LPP: variants seen among roughly 807,000 people sequenced by gnomAD.
LPP encodes the protein lipoma-preferred partner.
LPP carries 38 observed loss-of-function variants against 60.4 expected under a neutral mutation model. That is an observed-to-expected ratio of 0.63 (90% CI 0.49 to 0.83). The LOEUF (loss-of-function observed/expected upper bound fraction) is 0.83. Among genes scored for constraint, LPP ranks in the 40% least tolerant of loss-of-function variants. The probability of loss-of-function intolerance (pLI) is 0.00; values close to 1 mark genes in which losing one functional copy is unlikely to be tolerated. For synonymous variants in LPP, 328 were observed against 290.8 expected (o/e 1.13, Z -1.30); for missense variants, 902 against 783.6 (o/e 1.15, Z -1.80).
chr3:188,693,149 C>G (rs1560074527), intron 7 of LPP, among the ~76,000 whole-genome samples: 2 of 152,192 alleles, frequency 1.3e-5, no homozygotes, highest in African/African-American at 4.8e-5. Context: ...CACCTTGAAT[C>G]CTGTTCTTTT....
At chr3:188,199,833 G>A (rs1187785749) in intron 1 of LPP, among the ~76,000 whole-genome samples, 1 of 151,722 alleles carries the variant, frequency 6.6e-6, no homozygotes, top group Non-Finnish European at 1.5e-5. Context: ...TCCTGCCTCA[G>A]CCTCCCGAGT....
At chr3:188,570,416 A>G (rs962676357) in intron 6 of LPP, among the ~76,000 whole-genome samples, 40 of 152,070 alleles carry the variant, frequency 2.6e-4, no homozygotes, top group African/African-American at 9.7e-4. Context: ...TTTTGAGAAT[A>G]AAATCCACAT....
intron 8 of LPP, among the ~76,000 whole-genome samples, chr3:188,720,592 A>C (rs912459807): frequency 1.1e-4 from 16 of 151,468 alleles, no homozygotes; most frequent in African/African-American, 3.6e-4. Context: ...AAAGCAAAAA[A>C]TATCCGAGGC....
chr3:188,664,355 A>G (rs898755710), intron 7 of LPP, among the ~76,000 whole-genome samples: 6 of 152,232 alleles, frequency 3.9e-5, no homozygotes, highest in Admixed American at 1.3e-4. Flanking sequence ...TGTAAAACCT[A>G]GAAGATATCC....
At chr3:188,293,398 C>A (rs1036602507) in intron 2 of LPP, among the ~76,000 whole-genome samples, 22 of 152,194 alleles carry the variant, frequency 1.4e-4, no homozygotes, top group Non-Finnish European at 2.8e-4. Flanking sequence ...TATACTGAAA[C>A]AATAAACTTA....
chr3:188,633,020 A>G (rs990563043), intron 7 of LPP, among the ~76,000 whole-genome samples: 2 of 152,218 alleles, frequency 1.3e-5, no homozygotes, highest in African/African-American at 4.8e-5. Flanking sequence ...ATCTGAGGAA[A>G]GTTGTTGGCC....
At chr3:188,710,024 C>A (rs1274479812) in intron 8 of LPP, 1 of 152,148 alleles carries the variant, frequency 6.6e-6, no homozygotes, top group Non-Finnish European at 1.5e-5. Flanking sequence ...TTGAGTGGCA[C>A]TGCTTTAAGG....
rs148048458 is a variant in LPP at position 188,827,668 on chromosome 3, G to T, written c.1411-38532G>T. Among the ~76,000 whole-genome samples, 259 of 152,266 alleles carry T rather than the reference G, an allele frequency of 1.7e-3. 1 individual carries two copies. The Middle Eastern group carries it at 0.024, about 14-fold the overall frequency. ...GAGTCTTGTGCCCCATCAGTAGAAGGAGATGAAGGCCAGAGCCAAATGGTG... is the reference window on the plus strand; with the variant it reads ...GAGTCTTGTGCCCCATCAGTAGAAGTAGATGAAGGCCAGAGCCAAATGGTG... On this transcript the variant is annotated intron_variant, in intron 9 of 11. Transcript: ENST00000617246.
chr3:188,689,787 G>A (rs902565681), intron 7 of LPP, among the ~76,000 whole-genome samples: 2 of 152,170 alleles, frequency 1.3e-5, no homozygotes, highest in African/African-American at 4.8e-5. Flanking sequence ...GAAGTGACTT[G>A]CCCAAATCCA....
At chr3:188,509,873 G>GTTTTTTTTTTTTTTTTTTTTTTTT (rs35389820) in intron 5 of LPP, among the ~76,000 whole-genome samples, 1 of 111,044 alleles carries the variant, frequency 9.0e-6, no homozygotes, top group African/African-American at 3.6e-5. Context: ...TTTTTTTGTT[G>GTTTTTTTTTTTTTTTTTTTTTTTT]TTTTTTTTTT....
At chr3:188,258,271 T>C (rs1732336434) in intron 2 of LPP, among the ~76,000 whole-genome samples, 1 of 152,250 alleles carries the variant, frequency 6.6e-6, no homozygotes, top group Admixed American at 6.5e-5. Flanking sequence ...TCAGTCAAAC[T>C]TCTAACAGTG....
intron 4 of LPP, among the ~76,000 whole-genome samples, chr3:188,448,664 C>A (rs28606473): frequency 0.98 from 149,058 of 152,250 alleles, 72,978 homozygotes; most frequent in East Asian, 0.99. Flanking sequence ...AATCTCACCT[C>A]TGGAAATTTG....
intron 4 of LPP, among the ~76,000 whole-genome samples, chr3:188,457,728 T>TAA (rs1233519681): frequency 0.013 from 1,359 of 103,390 alleles, 20 homozygotes; most frequent in South Asian, 0.026. Flanking sequence ...CTGTCTCTAC[T>TAA]AAAAAAAAAA....
chr3:188,555,151 T>C (rs1829166786), intron 6 of LPP, among the ~76,000 whole-genome samples: 1 of 152,020 alleles, frequency 6.6e-6, no homozygotes. Context: ...GCGTGAAAAG[T>C]CTGAGAAGAT....
chr3:188,835,912 T>G (rs572589607), intron 9 of LPP, among the ~76,000 whole-genome samples: 2 of 152,324 alleles, frequency 1.3e-5, no homozygotes, highest in African/African-American at 4.8e-5. Flanking sequence ...ACCATTATAA[T>G]TGTCTCAGAT....
chr3:188,475,339 G>A (rs1182084354), intron 4 of LPP, among the ~76,000 whole-genome samples: 2 of 152,170 alleles, frequency 1.3e-5, no homozygotes, highest in Non-Finnish European at 2.9e-5. Context: ...ATTTTGGCTT[G>A]AGTACATATA....
intron 6 of LPP, among the ~76,000 whole-genome samples, chr3:188,544,818 G>A (rs547674705): frequency 4.9e-5 from 1 of 20,398 alleles, no homozygotes; most frequent in South Asian, 1.2e-3. Context: ...TGTTTATTGC[G>A]GCACTATTCA....
rs565900623 is a variant in LPP, at chr3:188,338,250, C to T, written c.-66-3413C>T. 1.8e-4 allele frequency among the ~76,000 whole-genome samples: 27 copies of T among 152,210 alleles called. 1 individual carries two copies. In the South Asian group the frequency reaches 5.4e-3, roughly 30 times the overall value. On this transcript the variant is annotated intron_variant, in intron 2 of 11. Transcript: ENST00000617246. ...CATAAGCTATGGAATACCTTGTATTCTTGATAAGTATCTTAGGGTGGCATG... is the reference window on the plus strand; with the variant it reads ...CATAAGCTATGGAATACCTTGTATTTTTGATAAGTATCTTAGGGTGGCATG...
intron 6 of LPP, among the ~76,000 whole-genome samples, chr3:188,550,503 G>A (rs893652011): frequency 6.7e-6 from 1 of 148,502 alleles, no homozygotes; most frequent in Non-Finnish European, 1.5e-5. Flanking sequence ...GCTTGAACCT[G>A]AGAGGCGGAG....
Sources: allele counts gnomAD v4.1 joint callset (sites outside exome capture counted in the v4.1 genomes callset), GRCh38; gene constraint gnomAD v4.1.1; transcripts MANE v1.5; gene names NCBI Gene and HGNC (gene_info 2026-07-23, HGNC 2026-07-21).